The following TTC7B variants were observed in gnomAD, a reference collection of about 807,000 sequenced individuals.
The protein encoded by TTC7B is tetratricopeptide repeat domain 7B.
A neutral mutation model predicts 106.8 loss-of-function variants in TTC7B; 28 were observed. The ratio of observed to expected loss-of-function variants is 0.26; its 90% CI spans 0.19 to 0.36. The LOEUF is 0.36. TTC7B is among the 10% of genes least tolerant of loss of function. The pLI, the probability that TTC7B is intolerant of heterozygous loss-of-function variation, is 1.00. For missense variants in TTC7B, 862 were observed against 1,076.4 expected, an observed-to-expected ratio of 0.80 and a Z score of 2.79; for synonymous variants, 405 against 430.6, an observed-to-expected ratio of 0.94 and a Z score of 0.74.
At position 90,647,016 on chromosome 14, in the gene TTC7B, T is replaced by C. The variant is rs1010247699; in HGVS notation, c.1525A>G (p.Ser509Gly). ...KALLAFQRAH[S>G]LSPTDHQAAF... ...GCTTGGTGATCTGTGGGTGACAGGCTGTGGGCCCTGAAAAAGTATTTACGG... is the reference window on the plus strand; with the variant it reads ...GCTTGGTGATCTGTGGGTGACAGGCCGTGGGCCCTGAAAAAGTATTTACGG... The change falls in exon 14 of 20, where the codon AGC (serine) becomes GGC (glycine). Residue 509 changes from serine (S) to glycine (G), a missense_variant. Transcript: ENST00000328459. 6.2e-6 allele frequency: 10 copies of C among 1,614,060 alleles called. No homozygotes were observed. The highest frequency in any genetic ancestry group is 6.8e-6 in the Non-Finnish European group (8 of 1,180,030).
intron 4 of TTC7B, among the ~76,000 whole-genome samples, chr14:90,732,658 A>G (rs1003248410): frequency 6.6e-6 from 1 of 152,152 alleles, no homozygotes; most frequent in South Asian, 2.1e-4. Context: ...GATTACAGGC[A>G]TGAGCCACTG....
chr14:90,738,510 G>T (rs1241492117), intron 4 of TTC7B, among the ~76,000 whole-genome samples: 1 of 152,078 alleles, frequency 6.6e-6, no homozygotes, highest in Non-Finnish European at 1.5e-5. Context: ...TCGAGGCTTA[G>T]GCAGGAGAAT....
intron 9 of TTC7B, 36 bp downstream of exon 9, chr14:90,676,487 C>T (rs767936012): frequency 7.5e-6 from 12 of 1,606,664 alleles, no homozygotes; most frequent in South Asian, 3.3e-5. Flanking sequence ...AACTGCCACC[C>T]ACCACCTGGA....
chr14:90,552,197 G>C, intron 19 of TTC7B, among the ~76,000 whole-genome samples: 1 of 152,174 alleles, frequency 6.6e-6, no homozygotes, highest in East Asian at 1.9e-4. Flanking sequence ...GCCCGTCAGA[G>C]CTCCACCGTG....
intron 4 of TTC7B, among the ~76,000 whole-genome samples, chr14:90,743,919 G>C (rs1029589037): frequency 6.6e-6 from 1 of 152,162 alleles, no homozygotes; most frequent in Non-Finnish European, 1.5e-5. Context: ...CTGAGGCTGC[G>C]AGCTTAGAAC....
chr14:90,745,297 C>CAAAA (rs71461925), intron 3 of TTC7B, among the ~76,000 whole-genome samples: 2 of 108,758 alleles, frequency 1.8e-5, no homozygotes, highest in Non-Finnish European at 3.9e-5. Context: ...CCCTGTCTCC[C>CAAAA]AAAAAAAAAA....
chr14:90,653,282 T>C (rs111566551), intron 12 of TTC7B, among the ~76,000 whole-genome samples: 2 of 151,882 alleles, frequency 1.3e-5, no homozygotes, highest in African/African-American at 4.8e-5. Context: ...GGTGGGAGGG[T>C]TGCAAGCACC....
At position 90,779,418 on chromosome 14, in the gene TTC7B, C is replaced by T. The variant is rs571619616; in HGVS notation, c.445+1320G>A. Among the ~76,000 whole-genome samples, 23 of 152,296 alleles carry T rather than the reference C, an allele frequency of 1.5e-4. No homozygotes were observed. The South Asian group carries it at 4.6e-3, about 30-fold the overall frequency. ...TCCCGGGTTTCCAGCAATTCTCCTG[C>T]CTCAGCTTCCTGAGTAGCTGGGATT... On this transcript the variant is annotated intron_variant, in intron 3 of 19. Transcript: ENST00000328459.
At chr14:90,645,563 C>T (rs964683632) in intron 14 of TTC7B, among the ~76,000 whole-genome samples, 1 of 152,244 alleles carries the variant, frequency 6.6e-6, no homozygotes, top group African/African-American at 2.4e-5. Flanking sequence ...ACAAAGGCTG[C>T]TGCCACACCC....
chr14:90,681,093 T>A (rs902426258), intron 7 of TTC7B, among the ~76,000 whole-genome samples: 4 of 152,226 alleles, frequency 2.6e-5, no homozygotes, highest in Admixed American at 6.5e-5. Context: ...ATCTATTTTA[T>A]GGAATTTGGC....
At chr14:90,619,589 G>A (rs1893226808) in intron 15 of TTC7B, among the ~76,000 whole-genome samples, 1 of 152,214 alleles carries the variant, frequency 6.6e-6, no homozygotes, top group African/African-American at 2.4e-5. Context: ...AGAGGGAGGA[G>A]CTCCTGCTGA....
At chr14:90,812,394 G>A (rs968478345) in intron 1 of TTC7B, among the ~76,000 whole-genome samples, 24 of 152,202 alleles carry the variant, frequency 1.6e-4, no homozygotes, top group African/African-American at 4.8e-4. Context: ...GTGCAGCTCT[G>A]TCTTTATCCC....
At position 90,718,976 on chromosome 14, in the gene TTC7B, G is replaced by C. The variant is rs114236663; in HGVS notation, c.698+11099C>G. Among the ~76,000 whole-genome samples, 421 of 151,486 alleles carry C rather than the reference G, an allele frequency of 2.8e-3. 1 individual carries two copies. The highest frequency in any genetic ancestry group is 9.9e-3 in the African/African-American group (410 of 41,268). On this transcript the variant is annotated intron_variant, in intron 5 of 19. Coordinates refer to ENST00000328459, the MANE Select transcript of TTC7B (RefSeq NM_001010854.2). ...TCTTCTTTTGAGAATTTAACCTCAGGTTGGCCGGGCACAGTGGCTTGCGCC... is the reference window on the plus strand; with the variant it reads ...TCTTCTTTTGAGAATTTAACCTCAGCTTGGCCGGGCACAGTGGCTTGCGCC...
chr14:90,555,511 A>G (rs1169805584), intron 19 of TTC7B, among the ~76,000 whole-genome samples: 1 of 151,924 alleles, frequency 6.6e-6, no homozygotes, highest in Admixed American at 6.6e-5. Context: ...TAAAAAGCAG[A>G]CCCTTCACAG....
chr14:90,667,383 G>C (rs1462047388), intron 9 of TTC7B, among the ~76,000 whole-genome samples: 3 of 152,178 alleles, frequency 2.0e-5, no homozygotes, highest in Non-Finnish European at 4.4e-5. Flanking sequence ...GCTATGGCCT[G>C]AGGGCCCATT....
At chr14:90,681,616 A>T (rs1218971428) in intron 7 of TTC7B, among the ~76,000 whole-genome samples, 1 of 152,224 alleles carries the variant, frequency 6.6e-6, no homozygotes, top group African/African-American at 2.4e-5. Flanking sequence ...TATTCTCGTT[A>T]CAATGCTGAT....
chr14:90,811,749 C>T lies in TTC7B; in HGVS notation c.121+4426G>A, dbSNP rs895915006. Among the ~76,000 whole-genome samples the T allele has an allele frequency of 6.6e-5, 10 of 152,334 alleles. No individual in the cohort carries two copies. The South Asian group carries it at 1.0e-3, about 16-fold the overall frequency. On this transcript the variant is annotated intron_variant, in intron 1 of 19. Transcript: ENST00000328459. ...TCAAAATCTTATAGGATCCGACAGG[C>T]AATGATCTCCTAAGGGAGAAGCTAC... is the stretch of plus-strand genomic sequence containing the variant.
intron 19 of TTC7B, among the ~76,000 whole-genome samples, chr14:90,574,306 G>T (rs949043532): frequency 6.6e-6 from 1 of 152,180 alleles, no homozygotes; most frequent in Admixed American, 6.5e-5. Flanking sequence ...TCTGGAAAAA[G>T]TCTGGTCAGT....
At chr14:90,583,806 G>A (rs1184055924) in intron 18 of TTC7B, among the ~76,000 whole-genome samples, 1 of 152,060 alleles carries the variant, frequency 6.6e-6, no homozygotes, top group Non-Finnish European at 1.5e-5. Context: ...CCTGCTATTG[G>A]GTTACTATGA....
Sources: gnomAD v4.1 joint callset for allele counts (sites outside exome capture counted in the v4.1 genomes callset) on GRCh38, gnomAD v4.1.1 for gene constraint, MANE v1.5 for transcripts, NCBI Gene and HGNC (gene_info 2026-07-23, HGNC 2026-07-21) for gene names.